SPAG16: variants seen among roughly 807,000 people sequenced by gnomAD.
The protein encoded by SPAG16 is sperm-associated antigen 16 protein.
In SPAG16, 86 loss-of-function variants were observed where a neutral mutation model predicts 80.4. The observed-to-expected ratio is 1.07, with a 90% CI of 0.90 to 1.28. SPAG16 has a LOEUF of 1.28. Among genes scored for constraint, SPAG16 ranks in the 50% most tolerant of loss-of-function variants. SPAG16 has a pLI of 0.00. For missense variants in SPAG16, 870 were observed against 765.3 expected, an observed-to-expected ratio of 1.14 and a Z score of -1.61; for synonymous variants, 294 against 265.9, an observed-to-expected ratio of 1.11 and a Z score of -1.03.
intron 10 of SPAG16, among the ~76,000 whole-genome samples, chr2:213,702,949 G>A (rs966603535): frequency 3.9e-5 from 6 of 152,138 alleles, no homozygotes; most frequent in East Asian, 3.9e-4. Flanking sequence ...TCATCCACGC[G>A]CTCTACCCTT....
chr2:213,520,320 C>G (rs940967787), intron 10 of SPAG16, among the ~76,000 whole-genome samples: 2 of 152,108 alleles, frequency 1.3e-5, no homozygotes, highest in African/African-American at 4.8e-5. Flanking sequence ...AGCGTGGTGG[C>G]TCACGCCTGT....
intron 14 of SPAG16, among the ~76,000 whole-genome samples, chr2:214,144,718 C>G (rs2055545282): frequency 6.6e-6 from 1 of 151,908 alleles, no homozygotes; most frequent in Non-Finnish European, 1.5e-5. Flanking sequence ...AAACAATGTC[C>G]TGGGCCTAAA....
chr2:213,421,486 G>C (rs888815864), intron 9 of SPAG16, among the ~76,000 whole-genome samples: 1 of 152,184 alleles, frequency 6.6e-6, no homozygotes, highest in Non-Finnish European at 1.5e-5. Flanking sequence ...AGGCAGACAG[G>C]CTCCTGGGCA....
intron 10 of SPAG16, among the ~76,000 whole-genome samples, chr2:213,589,292 A>T (rs2060595336): frequency 6.6e-6 from 1 of 152,228 alleles, no homozygotes. Flanking sequence ...TACTTTATAT[A>T]ACCAGAAGTA....
chr2:214,142,963 T>C (rs2055438398), intron 14 of SPAG16, among the ~76,000 whole-genome samples: 1 of 152,184 alleles, frequency 6.6e-6, no homozygotes, highest in African/African-American at 2.4e-5. Flanking sequence ...ATTCTCTATT[T>C]TGTGTTTCTG....
At chr2:214,170,342 C>A (rs1417628502) in intron 15 of SPAG16, among the ~76,000 whole-genome samples, 1 of 151,788 alleles carries the variant, frequency 6.6e-6, no homozygotes, top group East Asian at 1.9e-4. Flanking sequence ...TATTTAATTT[C>A]ATTGCTGCAA....
At chr2:213,989,194 T>G (rs2046163895) in intron 12 of SPAG16, among the ~76,000 whole-genome samples, 1 of 152,126 alleles carries the variant, frequency 6.6e-6, no homozygotes, top group Non-Finnish European at 1.5e-5. Context: ...ACTGCTTGTT[T>G]TGTGGGCCCT....
intron 15 of SPAG16, among the ~76,000 whole-genome samples, chr2:214,270,562 G>T (rs1691916641): frequency 6.6e-6 from 1 of 152,050 alleles, no homozygotes; most frequent in South Asian, 2.1e-4. Context: ...CTGACTACAT[G>T]TCCAACTTTA....
chr2:213,798,555 C>T (rs1319152666), intron 10 of SPAG16, among the ~76,000 whole-genome samples: 1 of 152,140 alleles, frequency 6.6e-6, no homozygotes, highest in Non-Finnish European at 1.5e-5. Context: ...TGCACCCGGC[C>T]TCTGTGGAAT....
At chr2:214,253,015 T>C (rs1206966351) in intron 15 of SPAG16, among the ~76,000 whole-genome samples, 1 of 152,122 alleles carries the variant, frequency 6.6e-6, no homozygotes, top group Non-Finnish European at 1.5e-5. Flanking sequence ...GGTATCTCAT[T>C]GTGGTTTGGA....
intron 10 of SPAG16, among the ~76,000 whole-genome samples, chr2:213,519,627 T>A (rs1198428934): frequency 6.6e-6 from 1 of 152,220 alleles, no homozygotes; most frequent in African/African-American, 2.4e-5. Context: ...CTCAGGTATG[T>A]CTTTATCAGT....
In SPAG16 at chr2:214,344,938, A is replaced by G. The variant is rs368339624; in HGVS notation, c.1721-65202A>G. Among the ~76,000 whole-genome samples, 49 of 152,234 alleles carry G rather than the reference A, an allele frequency of 3.2e-4. No individual in the cohort carries two copies. In the East Asian group the frequency reaches 8.9e-3, roughly 28 times the overall value. ...TCCCCTTGTACCTCAGTTCAAATGA[A>G]TGAGTATTTTTTTTCCTTATTCTCA... On this transcript the variant is annotated intron_variant, in intron 15 of 15. Coordinates refer to ENST00000331683, the MANE Select transcript of SPAG16 (RefSeq NM_024532.5).
chr2:213,304,347 G>T (rs927727185), intron 3 of SPAG16, among the ~76,000 whole-genome samples: 2 of 151,922 alleles, frequency 1.3e-5, no homozygotes, highest in African/African-American at 4.8e-5. Context: ...ATTATTGATT[G>T]TTTCCTTTGC....
intron 10 of SPAG16, among the ~76,000 whole-genome samples, chr2:213,719,539 A>G (rs995185626): frequency 1.3e-5 from 2 of 152,184 alleles, no homozygotes; most frequent in Non-Finnish European, 2.9e-5. Flanking sequence ...GGCTCTACCA[A>G]TCAGCAGGAT....
At chr2:213,418,587 A>G (rs1208579026) in intron 9 of SPAG16, among the ~76,000 whole-genome samples, 1 of 152,188 alleles carries the variant, frequency 6.6e-6, no homozygotes, top group Non-Finnish European at 1.5e-5. Flanking sequence ...TATATTCTTC[A>G]AGGGTAATAA....
At chr2:213,371,369 G>A (rs1444594472) in intron 8 of SPAG16, among the ~76,000 whole-genome samples, 1 of 122,522 alleles carries the variant, frequency 8.2e-6, no homozygotes. Context: ...CTGCATTCCA[G>A]CCTGGCAACA....
chr2:214,316,840 C>T (rs886756147), intron 15 of SPAG16, among the ~76,000 whole-genome samples: 3 of 152,160 alleles, frequency 2.0e-5, no homozygotes, highest in Non-Finnish European at 4.4e-5. Context: ...TGGCCATTCT[C>T]ACGGATTCTA....
chr2:213,875,594 A>C (rs764388359), intron 11 of SPAG16, among the ~76,000 whole-genome samples: 36 of 152,292 alleles, frequency 2.4e-4, no homozygotes, highest in Non-Finnish European at 4.4e-4. Flanking sequence ...ATAAAACTTT[A>C]ATTTCACTCT....
chr2:213,862,964 C>T (rs2075540676), intron 11 of SPAG16, among the ~76,000 whole-genome samples: 1 of 152,140 alleles, frequency 6.6e-6, no homozygotes, highest in Non-Finnish European at 1.5e-5. Context: ...CAGAATTTAC[C>T]TTTGTTAATC....
Sources: allele counts gnomAD v4.1 joint callset (sites outside exome capture counted in the v4.1 genomes callset), GRCh38; gene constraint gnomAD v4.1.1; transcripts MANE v1.5; gene names NCBI Gene and HGNC (gene_info 2026-07-23, HGNC 2026-07-21).